Variants in CLEC7A observed in about 807,000 individuals in gnomAD.
CLEC7A encodes the protein C-type lectin domain containing 7A.
In CLEC7A, 25 loss-of-function variants were observed where a neutral mutation model predicts 26.9. That is an observed-to-expected ratio of 0.93 (90% confidence interval 0.68 to 1.30). CLEC7A has a LOEUF of 1.30. Among genes scored for constraint, CLEC7A ranks in the 50% most tolerant of loss-of-function variants. The pLI, the probability that CLEC7A is intolerant of heterozygous loss-of-function variation, is 0.00. For synonymous variants in CLEC7A, 100 were observed against 99.5 expected, an observed-to-expected ratio of 1.01 and a Z score of -0.03; for missense variants, 275 against 286.7, an observed-to-expected ratio of 0.96 and a Z score of 0.29.
intron 1 of CLEC7A, 116 bp from the exon 2 acceptor site, chr12:10,127,961 TC>T (rs1310987277): frequency 1.6e-5 from 11 of 684,142 alleles, no homozygotes; most frequent in Non-Finnish European, 2.5e-5. Context: ...ACACCTGTAA[TC>T]CCAGAAGGGA....
At chr12:10,120,614 G>C (rs1002015568) in intron 5 of CLEC7A, among the ~76,000 whole-genome samples, 4 of 149,576 alleles carry the variant, frequency 2.7e-5, no homozygotes, top group Non-Finnish European at 4.4e-5. Flanking sequence ...TTTTTGTAGA[G>C]ATGGGGTTTC....
intron 2 of CLEC7A, 198 bp downstream of exon 2, chr12:10,127,549 G>A: frequency 1.7e-6 from 2 of 1,200,988 alleles, no homozygotes; most frequent in Non-Finnish European, 2.5e-6. Flanking sequence ...TATAACCCTG[G>A]AAAGGTAAAA....
chr12:10,127,555 T>C, intron 2 of CLEC7A, 192 bp downstream of exon 2: 6 of 1,118,788 alleles, frequency 5.4e-6, no homozygotes, highest in Non-Finnish European at 8.1e-6. Flanking sequence ...CCTGGAAAGG[T>C]AAAATAACCT....
rs1233220961 is a variant in CLEC7A, at chr12:10,129,977, T to C, written c.103+3A>G. 2 of 1,551,272 alleles carry C rather than the reference T, an allele frequency of 1.3e-6. No homozygotes were observed. Among genetic ancestry groups the C allele is most frequent in the South Asian group, 1.1e-5 (1 of 89,612 alleles). ...GCACACATTAGAAAAAACATATATA[T>C]ACCTTTCTCTGAAACAACAGCTATC... On this transcript the variant is annotated splice_donor_region_variant and intron_variant, in intron 1 of 5. Coordinates refer to ENST00000304084, the MANE Select transcript of CLEC7A (RefSeq NM_197947.3).
intron 5 of CLEC7A, among the ~76,000 whole-genome samples, chr12:10,122,287 A>G (rs1258947873): frequency 2.0e-5 from 3 of 152,152 alleles, no homozygotes; most frequent in Non-Finnish European, 4.4e-5. Flanking sequence ...GAAACCACAT[A>G]ATAAGGAATA....
intron 5 of CLEC7A, 115 bp downstream of exon 5, chr12:10,123,130 C>G: frequency 1.5e-6 from 1 of 655,574 alleles, no homozygotes; most frequent in Non-Finnish European, 2.7e-6. Flanking sequence ...TTCTCCCTCT[C>G]TTTCTCATAT....
At position 10,125,520 on chromosome 12, in the gene CLEC7A, T is replaced by G. The variant is rs572174343; in HGVS notation, c.341-72A>C. The G allele has an allele frequency of 1.6e-5, 21 of 1,279,822 alleles. 1 individual carries two copies. In the African/African-American group the frequency reaches 2.5e-4, roughly 16 times the overall value. The allele number at this position is 1,279,822 out of a possible 1,614,324, so 79.3% of individuals were successfully genotyped here. ...ACTCTTTTAGTGTGAACACCATTCA[T>G]CTTAAGGACACTTATGAAATAACCA... is the stretch of plus-strand genomic sequence containing the variant. On this transcript the variant is annotated intron_variant, in intron 3 of 5. Transcript: ENST00000304084.
At chr12:10,119,259 C>T (rs1420276567) in intron 5 of CLEC7A, among the ~76,000 whole-genome samples, 1 of 152,194 alleles carries the variant, frequency 6.6e-6, no homozygotes. Flanking sequence ...ACTTGGCACT[C>T]TTTGTCCTGG....
At chr12:10,118,989 GC>G (rs1465260767) in intron 5 of CLEC7A, among the ~76,000 whole-genome samples, 7 of 152,158 alleles carry the variant, frequency 4.6e-5, no homozygotes, top group Non-Finnish European at 8.8e-5. Flanking sequence ...CCAAGCAGAA[GC>G]ATTAATGCTA....
chr12:10,120,408 G>C (rs1948040708), intron 5 of CLEC7A, among the ~76,000 whole-genome samples: 1 of 152,116 alleles, frequency 6.6e-6, no homozygotes, highest in East Asian at 1.9e-4. Flanking sequence ...GAGTGGCTGA[G>C]AGGAAAAACA....
Position 10,117,600 on chromosome 12 carries a change from T to C in CLEC7A, c.*858A>G, listed in dbSNP as rs1947952081. 1.3e-5 allele frequency: 2 copies of C among 151,048 alleles called. No individual in the cohort carries two copies. The highest frequency in any genetic ancestry group is 2.9e-5 in the Non-Finnish European group (2 of 67,884). 9.4% of individuals were successfully genotyped at this position (151,048 alleles called of 1,614,324 possible). The stretch of plus-strand genomic sequence containing the variant: ...TGTACTCTCTGAGCTATTTAATTGA[T>C]AAAGAAAAAGTAGGAGTTCCTGCTT... On this transcript the variant is annotated 3_prime_UTR_variant, in exon 6 of 6. Transcript: ENST00000304084.
At chr12:10,119,738 C>A (rs11053599) in intron 5 of CLEC7A, among the ~76,000 whole-genome samples, 20,070 of 151,852 alleles carry the variant, frequency 0.13, 1,810 homozygotes, top group Non-Finnish European at 0.2. Context: ...TGAAAAAACA[C>A]TTCAAATTAA....
At chr12:10,127,942 C>T (rs755354583) in intron 1 of CLEC7A, 97 bp from the exon 2 acceptor site, 90 of 785,852 alleles carry the variant, frequency 1.1e-4, no homozygotes, top group Middle Eastern at 7.0e-4. Context: ...TGGCCTTGCA[C>T]GGTGGCTCAC....
chr12:10,127,581 C>T, intron 2 of CLEC7A, 166 bp downstream of exon 2: 2 of 972,248 alleles, frequency 2.1e-6, no homozygotes, highest in African/African-American at 1.6e-5. Flanking sequence ...TCTCTCACAC[C>T]CTTTATAAGT....
At position 10,125,442 on chromosome 12, in the gene CLEC7A, A is replaced by G. The variant is rs746322311; in HGVS notation, c.347T>C (p.Leu116Pro). Reference protein sequence around the residue: ...PTKAVKTTGVLSSPCPPNWII... With the variant: ...PTKAVKTTGVPSSPCPPNWII... ...CCAATTAGGAGGACAAGGGCTGGAA[A>G]GAACCCCTGGAAATAAAAGATTAGT... is the stretch of plus-strand genomic sequence containing the variant. Residue 116 changes from leucine (L) to proline (P), a missense_variant, in exon 4 of 6, where the codon CTT becomes CCT. Transcript: ENST00000304084. 3 of 1,610,860 alleles carry G rather than the reference A, an allele frequency of 1.9e-6. No individual in the cohort carries two copies. The South Asian group carries it at 3.3e-5, about 18-fold the overall frequency.
At position 10,130,041 on chromosome 12, in the gene CLEC7A, T is replaced by A. The variant is rs1376492894; in HGVS notation, c.42A>T (p.Gly14=). 1 of 1,609,052 alleles carries A rather than the reference T, an allele frequency of 6.2e-7. No individual in the cohort carries two copies. The highest frequency in any genetic ancestry group is 1.3e-5 in the African/African-American group (1 of 74,816). ...GAGAGTCGAAGTGTAATTGAGTATATCCATCTTCATCCAAATTTTCTAAAT... is the reference window on the plus strand; with the variant it reads ...GAGAGTCGAAGTGTAATTGAGTATAACCATCTTCATCCAAATTTTCTAAAT... ...HPDLENLDED[G]YTQLHFDSQS... is the part of the protein sequence containing the mutation. Residue 14 remains glycine, a synonymous_variant, in exon 1 of 6, where the codon GGA becomes GGT. Coordinates refer to ENST00000304084, the MANE Select transcript of CLEC7A (RefSeq NM_197947.3).
chr12:10,123,489 C>T (rs542428072), intron 4 of CLEC7A, 126 bp from the exon 5 acceptor site: 29 of 659,910 alleles, frequency 4.4e-5, no homozygotes, highest in East Asian at 3.4e-4. Context: ...AGGCCGGGCG[C>T]GGTGGCTCAC....
chr12:10,121,149 A>G (rs1230487367), intron 5 of CLEC7A, among the ~76,000 whole-genome samples: 9 of 151,996 alleles, frequency 5.9e-5, no homozygotes, highest in African/African-American at 1.4e-4. Flanking sequence ...GGTCAGGAAG[A>G]ACATAAAAAT....
At chr12:10,118,665 T>C in intron 5 of CLEC7A, 75 bp from the exon 6 acceptor site, 3 of 1,266,598 alleles carry the variant, frequency 2.4e-6, no homozygotes, top group Non-Finnish European at 3.3e-6. Flanking sequence ...ACAAATAAAT[T>C]AGTAAGGATA....
Sources: allele counts gnomAD v4.1 joint callset (sites outside exome capture counted in the v4.1 genomes callset), GRCh38; gene constraint gnomAD v4.1.1; transcripts MANE v1.5; gene names NCBI Gene and HGNC (gene_info 2026-07-23, HGNC 2026-07-21).